Variants in CFAP144 observed in about 807,000 individuals in gnomAD.
CFAP144 encodes the protein cilia- and flagella-associated protein 144.
the CFAP144 span, chr1:43,150,797 A>G: frequency 3.4e-5 from 54 of 1,610,570 alleles, no homozygotes; most frequent in East Asian, 1.0e-3. Context: ...TCTTGGCATG[A>G]TAACCTGGAG....
At chr1:43,145,361 A>C in the CFAP144 span, 1 of 1,227,634 alleles carries the variant, frequency 8.1e-7, no homozygotes, top group Non-Finnish European at 1.2e-6. Context: ...CACATAGGGC[A>C]CAAGGTCCCT....
At chr1:43,147,716 T>G in the CFAP144 span, 2 of 935,770 alleles carry the variant, frequency 2.1e-6, no homozygotes, top group Non-Finnish European at 2.5e-6. Flanking sequence ...CTGGGGCAAG[T>G]GAGTACAGTG....
At chr1:43,147,953 T>C in the CFAP144 span, 4 of 1,613,776 alleles carry the variant, frequency 2.5e-6, no homozygotes, top group East Asian at 2.2e-5. Flanking sequence ...CCCAAGGCCA[T>C]GGCGGGACAC....
chr1:43,147,678 C>T, the CFAP144 span: 1 of 754,402 alleles, frequency 1.3e-6, no homozygotes, highest in Admixed American at 6.3e-5. Context: ...TCCAGGGGAC[C>T]TTCTAGTAAC....
the CFAP144 span, among the ~76,000 whole-genome samples, chr1:43,151,710 C>T: frequency 6.6e-6 from 1 of 152,146 alleles, no homozygotes; most frequent in East Asian, 1.9e-4. Context: ...TTTCCTTCTT[C>T]CCCTCTACCT....
chr1:43,143,114 C>T, the CFAP144 span, among the ~76,000 whole-genome samples: 5 of 152,078 alleles, frequency 3.3e-5, no homozygotes, highest in South Asian at 6.2e-4. Context: ...CTCTCACGAC[C>T]GTCAAGTACA....
At chr1:43,143,003 A>G in the CFAP144 span, among the ~76,000 whole-genome samples, 4 of 152,108 alleles carry the variant, frequency 2.6e-5, no homozygotes, top group Non-Finnish European at 2.9e-5. Context: ...CAGGTTTGTT[A>G]TATAGGTAAA....
chr1:43,148,117 G>C, the CFAP144 span: 1 of 1,601,350 alleles, frequency 6.2e-7, no homozygotes, highest in Non-Finnish European at 8.5e-7. Flanking sequence ...GGAAGGGCGA[G>C]AGCGGGAGGG....
the CFAP144 span, among the ~76,000 whole-genome samples, chr1:43,143,997 C>T: frequency 6.6e-6 from 1 of 152,088 alleles, no homozygotes; most frequent in African/African-American, 2.4e-5. Flanking sequence ...TTTAATCACA[C>T]ATATCTATCC....
the CFAP144 span, chr1:43,147,896 C>A: frequency 1.2e-6 from 2 of 1,600,354 alleles, no homozygotes; most frequent in Non-Finnish European, 8.5e-7. Flanking sequence ...AGCGGGGACG[C>A]GTTGCCTGGA....
the CFAP144 span, among the ~76,000 whole-genome samples, chr1:43,154,062 G>GTGTGTATA: frequency 3.6e-5 from 3 of 83,666 alleles, no homozygotes; most frequent in African/African-American, 8.1e-5. Flanking sequence ...ATATGTGTGT[G>GTGTGTATA]TATATATATA....
chr1:43,146,548 A>G, the CFAP144 span, among the ~76,000 whole-genome samples: 6 of 152,248 alleles, frequency 3.9e-5, no homozygotes, highest in African/African-American at 1.4e-4. Flanking sequence ...TGTCCAGAAG[A>G]CACCATTAAG....
chr1:43,146,090 G>A, the CFAP144 span, among the ~76,000 whole-genome samples: 4 of 152,190 alleles, frequency 2.6e-5, no homozygotes, highest in African/African-American at 9.7e-5. Context: ...ATTTCAGGTG[G>A]AATACAGATC....
chr1:43,150,824 A>G, the CFAP144 span: 25 of 1,606,724 alleles, frequency 1.6e-5, no homozygotes, highest in Non-Finnish European at 2.1e-5. Context: ...GCAGATGGTA[A>G]GTCCTGGGCT....
At chr1:43,151,714 T>G in the CFAP144 span, among the ~76,000 whole-genome samples, 2 of 152,164 alleles carry the variant, frequency 1.3e-5, no homozygotes, top group Non-Finnish European at 2.9e-5. Flanking sequence ...CTTCTTCCCC[T>G]CTACCTTCCA....
At chr1:43,144,404 C>T in the CFAP144 span, among the ~76,000 whole-genome samples, 1 of 152,148 alleles carries the variant, frequency 6.6e-6, no homozygotes, top group Non-Finnish European at 1.5e-5. Flanking sequence ...CTGGCCACAT[C>T]CCAATGACTC....
the CFAP144 span, among the ~76,000 whole-genome samples, chr1:43,146,268 G>A: frequency 6.6e-6 from 1 of 151,848 alleles, no homozygotes; most frequent in Non-Finnish European, 1.5e-5. Flanking sequence ...ATATTCAAAC[G>A]TTGAATCATT....
chr1:43,145,358 G>GGACCTTGT, the CFAP144 span: 1 of 1,272,704 alleles, frequency 7.9e-7, no homozygotes, highest in Non-Finnish European at 1.1e-6. Flanking sequence ...TCACACATAG[G>GGACCTTGT]GCACAAGGTC....
At chr1:43,156,237 A>G in the CFAP144 span, 2 of 1,614,000 alleles carry the variant, frequency 1.2e-6, no homozygotes, top group South Asian at 1.1e-5. Flanking sequence ...CGCAGGCTGA[A>G]TCACTTCAGG....
Sources: allele counts gnomAD v4.1 joint callset (sites outside exome capture counted in the v4.1 genomes callset), GRCh38; gene constraint gnomAD v4.1.1; transcripts MANE v1.5; gene names NCBI Gene and HGNC (gene_info 2026-07-23, HGNC 2026-07-21).